PCDHGA6: variants seen among roughly 807,000 people sequenced by gnomAD.
The protein encoded by PCDHGA6 is protocadherin gamma subfamily A, 6, also known as protocadherin gamma-A6.
PCDHGA6 carries 41 observed loss-of-function variants against 60.6 expected under a neutral mutation model. The observed-to-expected ratio is 0.68, with a 90% CI of 0.53 to 0.88. PCDHGA6 has a LOEUF of 0.88. PCDHGA6 is among the 40% of genes least tolerant of loss of function. PCDHGA6 has a pLI of 0.00. For synonymous variants in PCDHGA6, 594 were observed against 524.4 expected, an observed-to-expected ratio of 1.13 and a Z score of -1.81; for missense variants, 1,312 against 1,203.0, an observed-to-expected ratio of 1.09 and a Z score of -1.34.
chr5:141,418,988 G>A, intron 1 of PCDHGA6: 1 of 1,613,946 alleles, frequency 6.2e-7, no homozygotes, highest in Non-Finnish European at 8.5e-7. Context: ...CCAAGACTCA[G>A]GGGAAAATGG....
chr5:141,506,645 A>G (rs1229614297), intron 3 of PCDHGA6, among the ~76,000 whole-genome samples: 3 of 152,188 alleles, frequency 2.0e-5, no homozygotes, highest in African/African-American at 7.2e-5. Context: ...CCCTCAGCAC[A>G]GGATTGGCAG....
intron 1 of PCDHGA6, chr5:141,388,083 C>A (rs942656707): frequency 1.5e-6 from 2 of 1,358,264 alleles, no homozygotes; most frequent in South Asian, 1.3e-5. Flanking sequence ...TCGAAAACTG[C>A]GCGTCAGTTC....
intron 1 of PCDHGA6, among the ~76,000 whole-genome samples, chr5:141,459,962 C>T (rs994878993): frequency 5.3e-5 from 8 of 152,290 alleles, no homozygotes; most frequent in South Asian, 2.1e-4. Flanking sequence ...CCTGTAATCC[C>T]AGCTACTCAG....
chr5:141,384,726 T>C (rs1561604051), intron 1 of PCDHGA6: 3 of 1,613,886 alleles, frequency 1.9e-6, no homozygotes. Flanking sequence ...ACCTCCTGCT[T>C]AAGGCCAGCG....
intron 1 of PCDHGA6, chr5:141,415,733 T>C: frequency 7.1e-7 from 1 of 1,407,484 alleles, no homozygotes; most frequent in Non-Finnish European, 9.3e-7. Context: ...ATTTGATGTT[T>C]ATTAAGGTTT....
At chr5:141,388,889 CAT>C in intron 1 of PCDHGA6, 6 of 1,613,954 alleles carry the variant, frequency 3.7e-6, no homozygotes, top group Non-Finnish European at 5.1e-6. Flanking sequence ...AGGTAGAAGT[CAT>C]AGATGAAAAT....
Position 141,374,129 on chromosome 5 carries a change from C to A in PCDHGA6, c.46C>A (p.Leu16Ile). ...RHPQRSEQVL[L>I]LTLLGTLWGA... ...TCCGCAGCGCAGCGAGCAGGTCCTG[C>A]TCCTCACGCTCCTGGGGACGCTGTG... Residue 16 changes from leucine to isoleucine, a missense_variant, in exon 1 of 4, where the codon CTC becomes ATC. Coordinates refer to ENST00000517434, the MANE Select transcript of PCDHGA6 (RefSeq NM_018919.3). 1 of 1,603,566 alleles carries A rather than the reference C, an allele frequency of 6.2e-7. No individual in the cohort carries two copies. The highest frequency in any genetic ancestry group is 1.1e-5 in the South Asian group (1 of 90,234).
chr5:141,462,388 C>T (rs529638718), intron 1 of PCDHGA6, among the ~76,000 whole-genome samples: 86 of 152,204 alleles, frequency 5.7e-4, no homozygotes, highest in Non-Finnish European at 9.4e-4. Context: ...AATTCGTTAA[C>T]ATTTCTTTTA....
intron 1 of PCDHGA6, among the ~76,000 whole-genome samples, chr5:141,449,840 T>C (rs1367482819): frequency 6.6e-6 from 1 of 151,692 alleles, no homozygotes; most frequent in Non-Finnish European, 1.5e-5. Context: ...TTTTATATAA[T>C]TAAATTTTAA....
intron 1 of PCDHGA6, among the ~76,000 whole-genome samples, chr5:141,481,095 C>T (rs1456056389): frequency 1.3e-5 from 2 of 152,120 alleles, no homozygotes; most frequent in African/African-American, 2.4e-5. Context: ...AAAAGCAGTA[C>T]TCTGGAACCT....
intron 1 of PCDHGA6, chr5:141,427,497 G>C (rs775492626): frequency 1.6e-5 from 9 of 568,020 alleles, no homozygotes; most frequent in African/African-American, 3.7e-5. Flanking sequence ...GCTTGTAACA[G>C]ATGGGACCCT....
chr5:141,415,136 G>C (rs763832284), intron 1 of PCDHGA6: 1 of 1,613,548 alleles, frequency 6.2e-7, no homozygotes, highest in Admixed American at 1.7e-5. Flanking sequence ...CAGGACCACG[G>C]CCAGCCCCCT....
intron 1 of PCDHGA6, chr5:141,388,223 A>G: frequency 6.2e-7 from 1 of 1,602,840 alleles, no homozygotes; most frequent in Non-Finnish European, 8.5e-7. Context: ...CTGAAAATCC[A>G]CTGAACTTTT....
chr5:141,508,334 C>T (rs1323577321), intron 3 of PCDHGA6: 2 of 151,150 alleles, frequency 1.3e-5, no homozygotes, highest in African/African-American at 4.9e-5. Flanking sequence ...GGAGAACTGA[C>T]TCTACAGAAA....
intron 1 of PCDHGA6, chr5:141,415,748 T>TTG (rs2095929710): frequency 9.9e-7 from 1 of 1,008,886 alleles, no homozygotes; most frequent in South Asian, 2.7e-5. Context: ...AGGTTTTTTT[T>TTG]TTTTTTTTTT....
intron 1 of PCDHGA6, chr5:141,395,096 C>G (rs769366827): frequency 5.6e-6 from 9 of 1,614,186 alleles, no homozygotes; most frequent in Middle Eastern, 1.6e-4. Flanking sequence ...CCCTCACCGC[C>G]GACTCGCGGA....
chr5:141,378,542 TAATA>T (rs1181738762), intron 1 of PCDHGA6: 54 of 152,104 alleles, frequency 3.6e-4, no homozygotes, highest in Admixed American at 3.5e-3. Flanking sequence ...TAATGATAAT[TAATA>T]AATAAAGAGT....
chr5:141,384,817 CA>C (rs1780547722), intron 1 of PCDHGA6: 1 of 1,613,416 alleles, frequency 6.2e-7, no homozygotes, highest in Non-Finnish European at 8.5e-7. Flanking sequence ...TGCCCTCAAG[CA>C]GAGCCTCGTG....
Position 141,432,794 on chromosome 5 carries a change from G to C in PCDHGA6, c.2424+56287G>C. 3 of 1,614,138 alleles carry C rather than the reference G, an allele frequency of 1.9e-6. No homozygotes were observed. The highest frequency in any genetic ancestry group is 1.7e-5 in the Admixed American group (1 of 60,026). ...AGTCCTGGCGGACCTCGGCAGCCTC[G>C]AGTCTCCAGCTAACTCTGAAACCTC... On this transcript the variant is annotated intron_variant, in intron 1 of 3. Coordinates refer to ENST00000517434, the MANE Select transcript of PCDHGA6 (RefSeq NM_018919.3). The surrounding 1 kb of genome is among the most constrained non-coding windows in gnomAD (Gnocchi z 6.0).
Sources: allele counts gnomAD v4.1 joint callset (sites outside exome capture counted in the v4.1 genomes callset), GRCh38; gene constraint gnomAD v4.1.1; non-coding constraint Gnocchi (gnomAD v3.1); transcripts MANE v1.5; gene names NCBI Gene and HGNC (gene_info 2026-07-23, HGNC 2026-07-21).